LRRC37A2: variants seen among roughly 807,000 people sequenced by gnomAD.
The protein encoded by LRRC37A2 is leucine rich repeat containing 37 member A2.
In LRRC37A2, 9 loss-of-function variants were observed where a neutral mutation model predicts 68.8. That is an observed-to-expected ratio of 0.13 (90% CI 0.08 to 0.23). The LOEUF is 0.23. Among genes scored for constraint, LRRC37A2 ranks in the 10% least tolerant of loss-of-function variants. The pLI, the probability that LRRC37A2 is intolerant of heterozygous loss-of-function variation, is 1.00. For synonymous variants in LRRC37A2, 63 were observed against 367.6 expected, an observed-to-expected ratio of 0.17 and a Z score of 9.48; for missense variants, 168 against 950.4, an observed-to-expected ratio of 0.18 and a Z score of 10.82.
chr17:46,946,329 C>T, the LRRC37A2 span, among the ~76,000 whole-genome samples: 37 of 149,162 alleles, frequency 2.5e-4, no homozygotes, highest in Admixed American at 8.0e-4. Context: ...GGAGTGGTGG[C>T]GCATGCCTGT....
the LRRC37A2 span, among the ~76,000 whole-genome samples, chr17:47,000,086 T>TAAAATAAAATAAAATAAAATAAAAATAA: frequency 1.7e-4 from 2 of 11,544 alleles, no homozygotes; most frequent in East Asian, 3.2e-3. Context: ...AAAAATAAAA[T>TAAAATAAAATAAAATAAAATAAAAATAA]AAAATAAAAT....
the LRRC37A2 span, among the ~76,000 whole-genome samples, chr17:46,871,360 C>T: frequency 2.6e-5 from 4 of 152,194 alleles, no homozygotes; most frequent in Admixed American, 2.6e-4. Flanking sequence ...AGCCATCTCA[C>T]AGAGAGCTTC....
the LRRC37A2 span, among the ~76,000 whole-genome samples, chr17:46,882,734 C>T: frequency 9.2e-5 from 14 of 152,296 alleles, no homozygotes; most frequent in African/African-American, 3.1e-4. Context: ...GCAGCAAACA[C>T]GGATTGGTGG....
At chr17:46,953,293 C>T in the LRRC37A2 span, among the ~76,000 whole-genome samples, 40 of 151,846 alleles carry the variant, frequency 2.6e-4, no homozygotes, top group African/African-American at 8.9e-4. Flanking sequence ...TGAGAACATG[C>T]AGTGTTTGGT....
At chr17:46,939,571 G>A in the LRRC37A2 span, 120 of 985,396 alleles carry the variant, frequency 1.2e-4, no homozygotes, top group Admixed American at 1.6e-3. Context: ...AGTAGCTGTA[G>A]GCAAAGATTT....
At chr17:46,800,721 C>T in the LRRC37A2 span, among the ~76,000 whole-genome samples, 36 of 152,214 alleles carry the variant, frequency 2.4e-4, no homozygotes, top group Admixed American at 5.2e-4. Context: ...TGAGGATCCA[C>T]TGTGTGCCCT....
chr17:46,923,816 G>C, the LRRC37A2 span: 2 of 401,120 alleles, frequency 5.0e-6, no homozygotes, highest in Non-Finnish European at 8.8e-6. Flanking sequence ...TTCCTTGGTA[G>C]TGTCCTTTAT....
the LRRC37A2 span, among the ~76,000 whole-genome samples, chr17:46,731,291 A>G: frequency 4.6e-5 from 7 of 152,280 alleles, no homozygotes; most frequent in Admixed American, 2.0e-4. Context: ...TGGCAGATCT[A>G]TAAAGACAGA....
chr17:46,862,863 C>A, the LRRC37A2 span, among the ~76,000 whole-genome samples: 14 of 152,206 alleles, frequency 9.2e-5, no homozygotes, highest in Non-Finnish European at 1.8e-4. Flanking sequence ...GGATTACAAG[C>A]GTGAGCCACT....
At chr17:46,939,122 G>A in the LRRC37A2 span, 3 of 1,158,586 alleles carry the variant, frequency 2.6e-6, no homozygotes, top group Non-Finnish European at 3.2e-6. Context: ...CTGTCCACAC[G>A]GTTCACACCT....
the LRRC37A2 span, chr17:46,764,391 C>A: frequency 6.6e-6 from 1 of 152,570 alleles, no homozygotes; most frequent in African/African-American, 2.4e-5. Flanking sequence ...AAAAGAAAGC[C>A]CCCTTCTTTA....
intron 8 of LRRC37A2, among the ~76,000 whole-genome samples, chr17:46,543,098 C>T (rs2055690776): frequency 6.7e-6 from 1 of 149,970 alleles, no homozygotes; most frequent in African/African-American, 2.5e-5. Context: ...GATCTGTCTG[C>T]TTTTTTCTTG....
the LRRC37A2 span, among the ~76,000 whole-genome samples, chr17:46,456,210 ATG>A: frequency 0.027 from 2,426 of 90,584 alleles, 110 homozygotes; most frequent in African/African-American, 0.075. Context: ...TCCATGGGAT[ATG>A]TGTGTGTGTG....
At chr17:46,922,457 A>G in the LRRC37A2 span, among the ~76,000 whole-genome samples, 1 of 152,228 alleles carries the variant, frequency 6.6e-6, no homozygotes, top group Non-Finnish European at 1.5e-5. Context: ...CGTTGTGCAC[A>G]TGTACCCTAG....
chr17:46,984,673 C>T, the LRRC37A2 span, among the ~76,000 whole-genome samples: 1 of 152,176 alleles, frequency 6.6e-6, no homozygotes, highest in Non-Finnish European at 1.5e-5. Flanking sequence ...AGAAGTCCCC[C>T]TCCTCCAGAT....
chr17:46,974,946 C>T, the LRRC37A2 span, among the ~76,000 whole-genome samples: 109,908 of 149,594 alleles, frequency 0.73, 40,994 homozygotes, highest in Non-Finnish European at 0.81. Context: ...TGAAAGTACT[C>T]TGAAAACTGC....
chr17:46,843,759 T>C, the LRRC37A2 span, among the ~76,000 whole-genome samples: 1 of 152,226 alleles, frequency 6.6e-6, no homozygotes, highest in Non-Finnish European at 1.5e-5. Flanking sequence ...CCTGGTGTAA[T>C]GTAAGTGCTC....
At chr17:46,780,797 G>A in the LRRC37A2 span, among the ~76,000 whole-genome samples, 1 of 151,934 alleles carries the variant, frequency 6.6e-6, no homozygotes, top group African/African-American at 2.4e-5. Flanking sequence ...GAAAGAAAAT[G>A]GGGACTCCAA....
At chr17:46,765,223 A>G in the LRRC37A2 span, among the ~76,000 whole-genome samples, 1 of 152,240 alleles carries the variant, frequency 6.6e-6, no homozygotes, top group Non-Finnish European at 1.5e-5. Flanking sequence ...AGAGGCAGAA[A>G]CAGGCTCAGC....
Sources: gnomAD v4.1 joint callset for allele counts (sites outside exome capture counted in the v4.1 genomes callset) on GRCh38, gnomAD v4.1.1 for gene constraint, MANE v1.5 for transcripts, NCBI Gene and HGNC (gene_info 2026-07-23, HGNC 2026-07-21) for gene names.